Variants in COL6A2 observed in about 807,000 individuals in gnomAD.
The protein encoded by COL6A2 is collagen type VI alpha 2 chain.
A neutral mutation model predicts 124.9 loss-of-function variants in COL6A2; 90 were observed. The observed-to-expected ratio is 0.72, with a 90% confidence interval of 0.61 to 0.86. COL6A2 has a LOEUF of 0.86. Among genes scored for constraint, COL6A2 ranks in the 40% least tolerant of loss-of-function variants. COL6A2 has a pLI of 0.00. For synonymous variants in COL6A2, 793 were observed against 618.2 expected, an observed-to-expected ratio of 1.28 and a Z score of -4.19; for missense variants, 1,607 against 1,502.5, an observed-to-expected ratio of 1.07 and a Z score of -1.15.
intron 4 of COL6A2, among the ~76,000 whole-genome samples, chr21:46,113,201 A>G (rs2078428561): frequency 6.6e-6 from 1 of 152,040 alleles, no homozygotes; most frequent in South Asian, 2.1e-4. Flanking sequence ...TGTGTGTCCC[A>G]GCTCCAGCTC....
chr21:46,111,543 CAGG>C lies in COL6A2; in HGVS notation c.71_73del (p.Glu24del). 1 of 1,612,972 alleles carries C rather than the reference CAGG, an allele frequency of 6.2e-7. No individual in the cohort carries two copies. Among genetic ancestry groups the C allele is most frequent in the South Asian group, 1.1e-5 (1 of 91,070 alleles). The stretch of plus-strand genomic sequence containing the variant: ...CCTGGGGGCCATCCAGGCCCAGCAG[CAGG>C]AGGTCATCTCGCCGGACACTACCGA... On this transcript the variant is annotated inframe_deletion, in exon 2 of 28. Coordinates refer to ENST00000300527, the MANE Select transcript of COL6A2 (RefSeq NM_001849.4).
chr21:46,132,063 G>A lies in COL6A2; in HGVS notation c.2571G>A (p.Glu857=), dbSNP rs1032188295. 1.9e-6 allele frequency: 3 copies of A among 1,605,888 alleles called. No homozygotes were observed. The highest frequency in any genetic ancestry group is 1.1e-5 in the South Asian group (1 of 90,684). ...TCCACAAGGCCCGGCGCTTCGTGGA[G>A]CAGGTGGCGCGGCGGCTGACGCTGG... ...QNFHKARRFV[E]QVARRLTLAR... is the part of the protein sequence containing the mutation. The change falls in exon 28 of 28, where the codon GAG becomes GAA. Residue 857 remains glutamate, a synonymous_variant. Coordinates refer to ENST00000300527, the MANE Select transcript of COL6A2 (RefSeq NM_001849.4).
intron 15 of COL6A2, among the ~76,000 whole-genome samples, chr21:46,120,145 C>CA (rs1269562567): frequency 1.4e-5 from 2 of 142,472 alleles, no homozygotes; most frequent in South Asian, 2.1e-4. Context: ...GCACCTCTTA[C>CA]CCCCAGCCCA....
intron 27 of COL6A2, 94 bp from the exon 28 acceptor site, chr21:46,131,860 A>AGGGTGCGAATGGAAGGGCAC: frequency 9.3e-6 from 11 of 1,184,308 alleles, no homozygotes; most frequent in South Asian, 9.2e-5. Flanking sequence ...GGTTGCAGGC[A>AGGGTGCGAATGGAAGGGCAC]GGGTGCGAAT....
chr21:46,105,330 G>T (rs746330588), intron 1 of COL6A2, among the ~76,000 whole-genome samples: 21 of 152,098 alleles, frequency 1.4e-4, no homozygotes, highest in Non-Finnish European at 1.5e-5. Context: ...AAGCTGCAGT[G>T]AGCTGTCACC....
chr21:46,130,265 G>A (rs568271940), intron 27 of COL6A2, among the ~76,000 whole-genome samples: 2 of 152,198 alleles, frequency 1.3e-5, no homozygotes, highest in African/African-American at 4.8e-5. Flanking sequence ...AAGCACAGTC[G>A]GGGGAGCATC....
At chr21:46,127,819 G>A (rs974732210) in intron 27 of COL6A2, among the ~76,000 whole-genome samples, 12 of 152,298 alleles carry the variant, frequency 7.9e-5, no homozygotes, top group South Asian at 2.1e-4. Context: ...TGGGTGCTGC[G>A]TCTGTGGATG....
At chr21:46,127,767 C>A (rs554042715) in intron 27 of COL6A2, among the ~76,000 whole-genome samples, 3 of 152,122 alleles carry the variant, frequency 2.0e-5, no homozygotes, top group African/African-American at 7.2e-5. Context: ...TGTGAGTGGC[C>A]GCTATGGCTT....
Position 46,128,845 on chromosome 21 carries a change from TGGCGACG to T in COL6A2, c.2461+2308_2461+2314del. The T allele has an allele frequency of 2.7e-6, 4 of 1,461,076 alleles. No homozygotes were observed. In the Admixed American group the frequency reaches 5.0e-5, roughly 18 times the overall value. The allele number at this position is 1,461,076 out of a possible 1,614,324, so 90.5% of individuals were successfully genotyped here. A position where few individuals can be genotyped will look rare whatever the true frequency, so the allele number is the denominator to read the frequency against. ...TCTTGAGGGGTGGCTGGGGTCTTCCTGGCGACGGGCCTGCGGCACTGGAAGCCCTACT... is the reference window on the plus strand; with the variant it reads ...TCTTGAGGGGTGGCTGGGGTCTTCCTGGCCTGCGGCACTGGAAGCCCTACT... On this transcript the variant is annotated intron_variant, in intron 27 of 27. Coordinates refer to ENST00000300527, the MANE Select transcript of COL6A2 (RefSeq NM_001849.4).
chr21:46,132,522 C>T lies in COL6A2; in HGVS notation c.3030C>T (p.Phe1010=). ...ATGACAGCCTGGCGCAACCCGGCTTCTTCGACCGCTTCATCCGCTGGATCT... is the reference window on the plus strand; with the variant it reads ...ATGACAGCCTGGCGCAACCCGGCTTTTTCGACCGCTTCATCCGCTGGATCT... ...KDYDSLAQPG[F]FDRFIRWIC is the part of the protein sequence containing the mutation. Residue 1010 remains phenylalanine, a synonymous_variant, in exon 28 of 28, where the codon TTC becomes TTT. Coordinates refer to ENST00000300527, the MANE Select transcript of COL6A2 (RefSeq NM_001849.4). The T allele has an allele frequency of 6.2e-7, 1 of 1,605,830 alleles. No individual in the cohort carries two copies. Among genetic ancestry groups the T allele is most frequent in the Non-Finnish European group, 8.5e-7 (1 of 1,179,352 alleles).
chr21:46,117,365 C>A, intron 10 of COL6A2, 35 bp from the exon 11 acceptor site: 1 of 1,605,822 alleles, frequency 6.2e-7, no homozygotes, highest in South Asian at 1.1e-5. Context: ...CCCAGAACCC[C>A]GCCCTGAGAC....
intron 27 of COL6A2, among the ~76,000 whole-genome samples, chr21:46,131,675 G>T (rs763238253): frequency 4.6e-5 from 7 of 152,188 alleles, no homozygotes; most frequent in Non-Finnish European, 7.3e-5. Flanking sequence ...GCCTGTGCAG[G>T]GATGGTGCTC....
chr21:46,122,898 G>C lies in COL6A2; in HGVS notation c.1632G>C (p.Leu544Phe). Residue 544 changes from leucine (L) to phenylalanine (F), a missense_variant, in exon 21 of 28, where the codon TTG (leucine) becomes TTC (phenylalanine). Physicochemically the swap from Leu to Phe is conservative, Grantham distance 22 (BLOSUM62 0). Transcript: ENST00000300527. ...AGGGAGGCCGAGGCGACTTTGGCTT[G>C]AAAGGAGAACCTGGGAGGAAAGGAG... ...GPEGGRGDFG[L>F]KGEPGRKGEK... The C allele has an allele frequency of 1.2e-6, 2 of 1,613,384 alleles. No individual in the cohort carries two copies. Among genetic ancestry groups the C allele is most frequent in the Non-Finnish European group, 1.7e-6 (2 of 1,179,958 alleles).
Position 46,112,851 on chromosome 21 carries a change from T to G in COL6A2, c.735+27T>G, listed in dbSNP as rs2078424293. On this transcript the variant is annotated intron_variant, in intron 4 of 27. Coordinates refer to ENST00000300527, the MANE Select transcript of COL6A2 (RefSeq NM_001849.4). ...TGAGTGGCGCTTCCCTTCCTGCCAG[T>G]GCTGGCCGGCAGCTGACCCAGCAGA... 3 of 1,613,326 alleles carry G rather than the reference T, an allele frequency of 1.9e-6. No homozygotes were observed. In the African/African-American group the frequency reaches 4.0e-5, roughly 21 times the overall value.
chr21:46,130,647 GATGA>G (rs1326813712), intron 27 of COL6A2, among the ~76,000 whole-genome samples: 2 of 152,196 alleles, frequency 1.3e-5, no homozygotes, highest in Non-Finnish European at 2.9e-5. Flanking sequence ...CACAGACACT[GATGA>G]ATGGACAGAG....
In COL6A2 at chr21:46,111,528, A is replaced by G. The variant is rs1407504586; in HGVS notation, c.52A>G (p.Ile18Val). The stretch of plus-strand genomic sequence containing the variant: ...CCTGCTCTGGGGAATCCTGGGGGCC[A>G]TCCAGGCCCAGCAGCAGGAGGTCAT... ...VLLLWGILGA[I>V]QAQQQEVISP... The change falls in exon 2 of 28, where the codon ATC becomes GTC. Residue 18 changes from isoleucine to valine, a missense_variant. Ile to Val is a conservative substitution (Grantham distance 29). Transcript: ENST00000300527. The G allele has an allele frequency of 2.5e-6, 4 of 1,612,944 alleles. No homozygotes were observed. The Middle Eastern group carries it at 5.0e-4, about 200-fold the overall frequency.
At chr21:46,128,303 T>G (rs1368262453) in intron 27 of COL6A2, among the ~76,000 whole-genome samples, 2 of 152,218 alleles carry the variant, frequency 1.3e-5, no homozygotes, top group Non-Finnish European at 2.9e-5. Flanking sequence ...TCGGCCGCCC[T>G]GACACCTCAT....
intron 26 of COL6A2, 127 bp downstream of exon 26, chr21:46,126,364 G>T (rs2078667865): frequency 4.0e-6 from 6 of 1,506,856 alleles, no homozygotes; most frequent in Admixed American, 1.7e-5. Flanking sequence ...GCTGTGGGTG[G>T]GAAGGGGTCG....
At chr21:46,101,912 T>C (rs1247921847) in intron 1 of COL6A2, among the ~76,000 whole-genome samples, 1 of 138,036 alleles carries the variant, frequency 7.2e-6, no homozygotes, top group Non-Finnish European at 1.6e-5. Context: ...ATCTAAATTT[T>C]AGGATTTATT....
Sources: gnomAD v4.1 joint callset for allele counts (sites outside exome capture counted in the v4.1 genomes callset) on GRCh38, gnomAD v4.1.1 for gene constraint, MANE v1.5 for transcripts, NCBI Gene and HGNC (gene_info 2026-07-23, HGNC 2026-07-21) for gene names.